The following STXBP5L variants were observed in gnomAD, a reference collection of about 807,000 sequenced individuals.
STXBP5L encodes syntaxin binding protein 5L.
Under a neutral mutation model 144.5 loss-of-function variants are expected in STXBP5L, and 65 were observed. The ratio of observed to expected loss-of-function variants is 0.45; its 90% CI spans 0.37 to 0.55. STXBP5L has a LOEUF of 0.55. Ranked by LOEUF, STXBP5L falls within the 20% of genes least tolerant of loss-of-function variation. The pLI, the probability that STXBP5L is intolerant of heterozygous loss-of-function variation, is 0.00. For missense variants in STXBP5L, 1,298 were observed against 1,405.5 expected, an observed-to-expected ratio of 0.92 and a Z score of 1.22; for synonymous variants, 505 against 469.6, an observed-to-expected ratio of 1.08 and a Z score of -0.97.
Position 121,355,820 on chromosome 3 carries a change from T to C in STXBP5L, c.2177-22896T>C, listed in dbSNP as rs111567661. On this transcript the variant is annotated intron_variant, in intron 20 of 26. Transcript: ENST00000471454. ...CTGCTCTGGTTTCTCTTCATCTATGTGGTCTTATCTACCTTTGGTCTTTGA... is the reference window on the plus strand; with the variant it reads ...CTGCTCTGGTTTCTCTTCATCTATGCGGTCTTATCTACCTTTGGTCTTTGA... Among the ~76,000 whole-genome samples, 381 of 152,344 alleles carry C rather than the reference T, an allele frequency of 2.5e-3. 2 individuals are homozygous for C. Among genetic ancestry groups the C allele is most frequent in the African/African-American group, 8.6e-3 (358 of 41,588 alleles).
At chr3:121,177,420 C>A (rs968909756) in intron 9 of STXBP5L, among the ~76,000 whole-genome samples, 1 of 151,992 alleles carries the variant, frequency 6.6e-6, no homozygotes, top group African/African-American at 2.4e-5. Flanking sequence ...ACAACAACTA[C>A]AAATAACTGA....
intron 5 of STXBP5L, among the ~76,000 whole-genome samples, chr3:121,059,328 C>T (rs1424420904): frequency 6.6e-6 from 1 of 152,088 alleles, no homozygotes; most frequent in Non-Finnish European, 1.5e-5. Context: ...TTCCATAGGT[C>T]TGTATATCTG....
intron 3 of STXBP5L, among the ~76,000 whole-genome samples, chr3:120,964,337 G>C (rs1939279278): frequency 6.6e-6 from 1 of 152,162 alleles, no homozygotes; most frequent in Non-Finnish European, 1.5e-5. Context: ...GTTTGCTCTT[G>C]CTTCTCTAGT....
intron 3 of STXBP5L, among the ~76,000 whole-genome samples, chr3:121,006,423 C>G (rs926870620): frequency 4.6e-5 from 7 of 152,138 alleles, no homozygotes; most frequent in South Asian, 2.1e-4. Context: ...TCCTCCATCC[C>G]TTTATTTTGA....
At chr3:121,007,865 T>C (rs1559992439) in intron 3 of STXBP5L, among the ~76,000 whole-genome samples, 1 of 152,052 alleles carries the variant, frequency 6.6e-6, no homozygotes, top group Non-Finnish European at 1.5e-5. Context: ...CAGTTACTCT[T>C]ATGCTCCATG....
chr3:120,995,389 CCTT>C (rs1328011792), intron 3 of STXBP5L, among the ~76,000 whole-genome samples: 6 of 152,126 alleles, frequency 3.9e-5, no homozygotes, highest in Non-Finnish European at 7.4e-5. Context: ...CTCAAGTGAT[CCTT>C]CTGCCTTGGC....
At chr3:121,340,928 T>G (rs1039173915) in intron 20 of STXBP5L, among the ~76,000 whole-genome samples, 1 of 152,116 alleles carries the variant, frequency 6.6e-6, no homozygotes, top group Non-Finnish European at 1.5e-5. Flanking sequence ...AGTGTTAAGT[T>G]GTCAACAGTT....
At chr3:121,199,421 C>T (rs541550099) in intron 9 of STXBP5L, among the ~76,000 whole-genome samples, 3 of 152,176 alleles carry the variant, frequency 2.0e-5, no homozygotes, top group Admixed American at 6.6e-5. Context: ...ATCTTGTCAT[C>T]TGCAAACAGA....
At chr3:121,004,050 T>C (rs1944032487) in intron 3 of STXBP5L, among the ~76,000 whole-genome samples, 1 of 152,080 alleles carries the variant, frequency 6.6e-6, no homozygotes, top group Admixed American at 6.5e-5. Flanking sequence ...TTTGGTTCCA[T>C]ATGAACTTTA....
intron 5 of STXBP5L, among the ~76,000 whole-genome samples, chr3:121,081,370 T>C (rs766261727): frequency 6.6e-6 from 1 of 152,222 alleles, no homozygotes; most frequent in East Asian, 1.9e-4. Context: ...TGGTGTTTTT[T>C]AAATTTCTTT....
intron 24 of STXBP5L, 82 bp from the exon 25 acceptor site, chr3:121,415,775 C>A: frequency 2.3e-6 from 2 of 870,952 alleles, no homozygotes; most frequent in Middle Eastern, 2.3e-4. Context: ...ATGATGTGTC[C>A]TACTATATCA....
intron 5 of STXBP5L, chr3:121,099,058 G>C (rs928305066): frequency 1.3e-5 from 2 of 151,988 alleles, no homozygotes; most frequent in East Asian, 1.9e-4. Context: ...AAATGATCTT[G>C]GTATCAATAA....
chr3:121,352,433 C>G (rs1420427634), intron 20 of STXBP5L, among the ~76,000 whole-genome samples: 1 of 151,998 alleles, frequency 6.6e-6, no homozygotes, highest in Non-Finnish European at 1.5e-5. Flanking sequence ...GTATTTTATT[C>G]TCCTTGTAGC....
At chr3:121,090,791 ATTATAC>A (rs2042743715) in intron 5 of STXBP5L, among the ~76,000 whole-genome samples, 1 of 151,806 alleles carries the variant, frequency 6.6e-6, no homozygotes, top group Admixed American at 6.6e-5. Flanking sequence ...TTTTTTTATT[ATTATAC>A]TTTAAGTTTT....
intron 2 of STXBP5L, among the ~76,000 whole-genome samples, chr3:120,938,079 A>G (rs569452566): frequency 6.6e-6 from 1 of 152,222 alleles, no homozygotes; most frequent in Non-Finnish European, 1.5e-5. Flanking sequence ...AAGCAAAAAC[A>G]GAACAATCTA....
In STXBP5L at chr3:121,009,813, G is replaced by A. The variant is rs550778106; in HGVS notation, c.288-31887G>A. Reference sequence around the variant, plus strand: ...TTTTTTTCTAGATCATCTATTTAGTGTCTACAAGGGCCTAGTAGCATGTCA... The same window carrying A: ...TTTTTTTCTAGATCATCTATTTAGTATCTACAAGGGCCTAGTAGCATGTCA... On this transcript the variant is annotated intron_variant, in intron 3 of 26. Transcript: ENST00000471454. Among the ~76,000 whole-genome samples the A allele has an allele frequency of 3.3e-5, 5 of 151,904 alleles. No individual in the cohort carries two copies. In the South Asian group the frequency reaches 1.0e-3, roughly 32 times the overall value.
chr3:120,976,086 T>A (rs1449675882), intron 3 of STXBP5L, among the ~76,000 whole-genome samples: 2 of 152,224 alleles, frequency 1.3e-5, no homozygotes, highest in Non-Finnish European at 2.9e-5. Flanking sequence ...GTTTTCCTCT[T>A]TTTCTATTGA....
chr3:121,199,662 A>G (rs1257014847), intron 9 of STXBP5L, among the ~76,000 whole-genome samples: 5 of 152,118 alleles, frequency 3.3e-5, no homozygotes, highest in African/African-American at 1.2e-4. Context: ...TTCTATCAAT[A>G]CCTAGTTTAT....
intron 10 of STXBP5L, among the ~76,000 whole-genome samples, chr3:121,215,718 CT>C (rs1271186832): frequency 1.3e-5 from 2 of 152,052 alleles, no homozygotes; most frequent in Non-Finnish European, 2.9e-5. Flanking sequence ...TTATGATATT[CT>C]CTTTATTTTC....
Sources: allele counts gnomAD v4.1 joint callset (sites outside exome capture counted in the v4.1 genomes callset), GRCh38; gene constraint gnomAD v4.1.1; transcripts MANE v1.5; gene names NCBI Gene and HGNC (gene_info 2026-07-23, HGNC 2026-07-21).